The following ADARB1 variants were observed in gnomAD, a reference collection of about 807,000 sequenced individuals.
ADARB1 encodes double-stranded RNA-specific editase 1.
In ADARB1, 10 loss-of-function variants were observed where a neutral mutation model predicts 52.4. The ratio of observed to expected loss-of-function variants is 0.19; its 90% CI spans 0.12 to 0.32. The LOEUF (loss-of-function observed/expected upper bound fraction) is 0.32, where lower values mean the gene tolerates loss of function less well. Ranked by LOEUF, ADARB1 falls within the 10% of genes least tolerant of loss-of-function variation. The pLI, the probability that ADARB1 is intolerant of heterozygous loss-of-function variation, is 1.00. For missense variants in ADARB1, 643 were observed against 922.3 expected, an observed-to-expected ratio of 0.70 and a Z score of 3.92; for synonymous variants, 349 against 371.1, an observed-to-expected ratio of 0.94 and a Z score of 0.68.
chr21:45,091,356 T>C (rs1057104378), intron 1 of ADARB1, among the ~76,000 whole-genome samples: 3 of 152,154 alleles, frequency 2.0e-5, no homozygotes, highest in Admixed American at 6.5e-5. Flanking sequence ...TGAATTCTTA[T>C]GATGAAAAAA....
At chr21:45,164,982 T>C (rs1421651817) in intron 2 of ADARB1, among the ~76,000 whole-genome samples, 5 of 152,176 alleles carry the variant, frequency 3.3e-5, no homozygotes, top group Non-Finnish European at 5.9e-5. Flanking sequence ...TTGGTACACC[T>C]GCTGCCCGGG....
intron 1 of ADARB1, among the ~76,000 whole-genome samples, chr21:45,099,576 A>T (rs951151549): frequency 2.0e-5 from 3 of 152,142 alleles, no homozygotes; most frequent in Admixed American, 6.5e-5. Flanking sequence ...CTGATACATG[A>T]GAATCACTTG....
intron 2 of ADARB1, chr21:45,132,207 G>T (rs895502731): frequency 6.6e-6 from 1 of 152,252 alleles, no homozygotes; most frequent in African/African-American, 2.4e-5. Flanking sequence ...CATGACCCCT[G>T]TCACCAGGAA....
At position 45,172,367 on chromosome 21, in the gene ADARB1, C is replaced by T. The variant is rs1333710143; in HGVS notation, c.28+683C>T. 6.6e-6 allele frequency among the ~76,000 whole-genome samples: 1 copy of T among 152,182 alleles called. No individual in the cohort carries two copies. Among genetic ancestry groups the T allele is most frequent in the Non-Finnish European group, 1.5e-5 (1 of 68,034 alleles). On this transcript the variant is annotated intron_variant, in intron 3 of 10. Coordinates refer to ENST00000348831, the MANE Select transcript of ADARB1 (RefSeq NM_001112.4). This position sits in a 1 kb window ranked among gnomAD's most constrained non-coding sequence, Gnocchi z 4.4. The stretch of plus-strand genomic sequence containing the variant: ...AGTAGAGAAATTACAACAAAGGCAT[C>T]ATTGCTCTAACTAATATAAATATCT...
chr21:45,121,307 A>G lies in ADARB1; in HGVS notation c.-219-7095A>G, dbSNP rs908815663. 1.4e-4 allele frequency among the ~76,000 whole-genome samples: 22 copies of G among 152,322 alleles called. No homozygotes were observed. In the South Asian group the frequency reaches 1.9e-3, roughly 13 times the overall value. On this transcript the variant is annotated intron_variant, in intron 1 of 10. Coordinates refer to ENST00000348831, the MANE Select transcript of ADARB1 (RefSeq NM_001112.4). ...TTCTGGAATGTGTCCCTTAGGATTA[A>G]CTATCTCAGGTGTGATTTGTGTGAA...
intron 2 of ADARB1, among the ~76,000 whole-genome samples, chr21:45,134,019 C>T (rs1343493171): frequency 8.1e-6 from 1 of 123,530 alleles, no homozygotes; most frequent in Non-Finnish European, 1.7e-5. Context: ...TGTGTGTGCC[C>T]GACAGTGGTG....
chr21:45,212,089 A>G (rs2092780359), intron 9 of ADARB1, among the ~76,000 whole-genome samples: 1 of 152,174 alleles, frequency 6.6e-6, no homozygotes, highest in Non-Finnish European at 1.5e-5. Flanking sequence ...TTAGTGAAAA[A>G]TATTGTAATT....
chr21:45,223,379 G>C lies in ADARB1; in HGVS notation c.*1182G>C, dbSNP rs373524337. ...GGGCTGCCCAGCGCCCAGCGTGCAC[G>C]GGACGGCCCCACGACAGAGGGAGTC... On this transcript the variant is annotated 3_prime_UTR_variant, in exon 11 of 11. Transcript: ENST00000348831. 5.1e-6 allele frequency: 5 copies of C among 985,666 alleles called. No homozygotes were observed. The highest frequency in any genetic ancestry group is 6.0e-6 in the Non-Finnish European group (5 of 830,090). The allele number at this position is 985,666 out of a possible 1,614,324, so 61.1% of individuals were successfully genotyped here. A position where few individuals can be genotyped will look rare whatever the true frequency, so the allele number is the denominator to read the frequency against.
intron 2 of ADARB1, among the ~76,000 whole-genome samples, chr21:45,146,987 G>T (rs1222095551): frequency 6.6e-6 from 1 of 152,206 alleles, no homozygotes; most frequent in East Asian, 1.9e-4. Context: ...GAGAGACAGT[G>T]CAGCTAGTCC....
chr21:45,191,529 C>T (rs1443092744), intron 8 of ADARB1, among the ~76,000 whole-genome samples: 2 of 152,058 alleles, frequency 1.3e-5, no homozygotes, highest in African/African-American at 2.4e-5. Context: ...TTATGTGTGT[C>T]TATTTTTAAT....
intron 9 of ADARB1, among the ~76,000 whole-genome samples, chr21:45,207,318 A>G (rs2092685437): frequency 6.6e-6 from 1 of 152,216 alleles, no homozygotes; most frequent in Non-Finnish European, 1.5e-5. Flanking sequence ...CAGCAAAGCA[A>G]GTAGCTTTGG....
intron 2 of ADARB1, chr21:45,133,597 G>A: frequency 4.8e-6 from 1 of 206,328 alleles, no homozygotes; most frequent in African/African-American, 2.4e-5. Context: ...TACAAGGTGT[G>A]TACCCCAGGG....
intron 2 of ADARB1, among the ~76,000 whole-genome samples, chr21:45,160,095 T>C (rs1204095616): frequency 6.6e-6 from 1 of 152,212 alleles, no homozygotes; most frequent in African/African-American, 2.4e-5. Flanking sequence ...CCTGGTTCTC[T>C]TTCAGGGAGG....
chr21:45,095,547 G>A (rs1339435566), intron 1 of ADARB1, among the ~76,000 whole-genome samples: 2 of 151,982 alleles, frequency 1.3e-5, no homozygotes, highest in African/African-American at 2.4e-5. Context: ...CTGTTTCAGG[G>A]TTCTGCATCC....
At chr21:45,154,111 A>G (rs1403303940) in intron 2 of ADARB1, among the ~76,000 whole-genome samples, 1 of 152,214 alleles carries the variant, frequency 6.6e-6, no homozygotes, top group African/African-American at 2.4e-5. Flanking sequence ...TCAAGCTTAA[A>G]ATGTCTTTTT....
At chr21:45,151,530 C>T (rs964191252) in intron 2 of ADARB1, among the ~76,000 whole-genome samples, 2 of 152,130 alleles carry the variant, frequency 1.3e-5, no homozygotes, top group African/African-American at 4.8e-5. Context: ...AGTGCTTCTT[C>T]TGCTTGACTC....
At chr21:45,213,983 G>T (rs2092816690) in intron 9 of ADARB1, among the ~76,000 whole-genome samples, 2 of 152,130 alleles carry the variant, frequency 1.3e-5, no homozygotes, top group Admixed American at 1.3e-4. Context: ...TTCCAAAATG[G>T]TTGTACCATT....
intron 1 of ADARB1, among the ~76,000 whole-genome samples, chr21:45,089,071 G>C (rs1031373597): frequency 6.6e-6 from 1 of 152,148 alleles, no homozygotes; most frequent in Non-Finnish European, 1.5e-5. Context: ...AACAGAAGCC[G>C]GTATTGGTGG....
chr21:45,151,184 CAG>C (rs2090266024), intron 2 of ADARB1, among the ~76,000 whole-genome samples: 1 of 152,188 alleles, frequency 6.6e-6, no homozygotes, highest in South Asian at 2.1e-4. Flanking sequence ...TACAAAGTGT[CAG>C]GGGTGGCTGA....
Sources: allele counts gnomAD v4.1 joint callset (sites outside exome capture counted in the v4.1 genomes callset), GRCh38; gene constraint gnomAD v4.1.1; non-coding constraint Gnocchi (gnomAD v3.1); transcripts MANE v1.5; gene names NCBI Gene and HGNC (gene_info 2026-07-23, HGNC 2026-07-21).